DMXL1: variants seen among roughly 807,000 people sequenced by gnomAD.
DMXL1 encodes the protein Dmx like 1, also known as dmX-like protein 1.
A neutral mutation model predicts 319.2 loss-of-function variants in DMXL1; 99 were observed. That is an observed-to-expected ratio of 0.31 (90% CI 0.26 to 0.37). The LOEUF is 0.37. Ranked by LOEUF, DMXL1 falls within the 10% of genes least tolerant of loss-of-function variation. The probability of loss-of-function intolerance (pLI) is 1.00; values close to 1 mark genes in which losing one functional copy is unlikely to be tolerated. For missense variants in DMXL1, 3,745 were observed against 3,595.6 expected (o/e 1.04, Z -1.06); for synonymous variants, 1,385 against 1,235.2 (o/e 1.12, Z -2.54).
chr5:119,216,562 A>G (rs1281652126), intron 34 of DMXL1, among the ~76,000 whole-genome samples: 1 of 152,212 alleles, frequency 6.6e-6, no homozygotes. Context: ...TGAAAGAATT[A>G]TAATGCTAGG....
At chr5:119,233,532 T>G (rs1485394614) in intron 39 of DMXL1, 65 bp downstream of exon 39, 12 of 1,468,228 alleles carry the variant, frequency 8.2e-6, no homozygotes, top group Non-Finnish European at 1.0e-5. Context: ...TTCCACTAGT[T>G]TGGGTTTCTG....
At chr5:119,135,750 C>G (rs1765847387) in intron 13 of DMXL1, among the ~76,000 whole-genome samples, 2 of 152,308 alleles carry the variant, frequency 1.3e-5, no homozygotes, top group South Asian at 4.1e-4. Flanking sequence ...GCTTGCTTCT[C>G]CTTTGCCTTC....
rs562765757 is a variant in DMXL1, at chr5:119,122,130, C to CG, written c.1102+997dup. Among the ~76,000 whole-genome samples, 12 of 127,672 alleles carry CG rather than the reference C, an allele frequency of 9.4e-5. No individual in the cohort carries two copies. In the East Asian group the frequency reaches 1.5e-3, roughly 16 times the overall value. The allele number at this position is 127,672 out of a possible 152,430, so 83.8% of individuals were successfully genotyped here. On this transcript the variant is annotated intron_variant, in intron 9 of 43. Transcript: ENST00000539542. ...CTCCCGGACGGGGCGGCTGGCCGGG[C>CG]GGGGGGCTGACCCCCCCACCTCCCT...
chr5:119,193,338 C>A (rs909625054), intron 29 of DMXL1, among the ~76,000 whole-genome samples: 1 of 152,094 alleles, frequency 6.6e-6, no homozygotes, highest in Non-Finnish European at 1.5e-5. Flanking sequence ...ACTCTTTCTG[C>A]ATTATTTTTC....
chr5:119,072,081 G>C lies in DMXL1; in HGVS notation c.87+425G>C, dbSNP rs571171267. On this transcript the variant is annotated intron_variant, in intron 1 of 43. Coordinates refer to ENST00000539542, the MANE Select transcript of DMXL1 (RefSeq NM_001290321.3). The stretch of plus-strand genomic sequence containing the variant: ...TCAAGTATCTTTGTAGTTAAAAAGT[G>C]GGTGTCTCAAAACAATTACCAATTG... Among the ~76,000 whole-genome samples the C allele has an allele frequency of 2.8e-4, 42 of 152,176 alleles. 1 individual carries two copies. The highest frequency in any genetic ancestry group is 1.0e-3 in the African/African-American group (42 of 41,528).
chr5:119,185,781 GCAT>G (rs1282302723), intron 28 of DMXL1, among the ~76,000 whole-genome samples: 1 of 151,918 alleles, frequency 6.6e-6, no homozygotes, highest in Non-Finnish European at 1.5e-5. Flanking sequence ...GGGATTACAG[GCAT>G]GATCCACTGT....
At chr5:119,116,611 T>C (rs1760900432) in intron 7 of DMXL1, among the ~76,000 whole-genome samples, 1 of 152,244 alleles carries the variant, frequency 6.6e-6, no homozygotes, top group South Asian at 2.1e-4. Flanking sequence ...TTTCTTTTTC[T>C]TTGTGTTTTG....
intron 32 of DMXL1, among the ~76,000 whole-genome samples, chr5:119,198,622 G>GA (rs948217144): frequency 3.9e-5 from 6 of 152,112 alleles, no homozygotes; most frequent in African/African-American, 9.7e-5. Context: ...AACAGAATTA[G>GA]AAAAAAATTA....
chr5:119,197,632 A>C, intron 31 of DMXL1, 123 bp from the exon 32 acceptor site: 103 of 803,030 alleles, frequency 1.3e-4, no homozygotes, highest in Non-Finnish European at 1.8e-4. Context: ...GTATGTTAAT[A>C]TTTCATCTCA....
intron 10 of DMXL1, among the ~76,000 whole-genome samples, chr5:119,130,760 T>C (rs577041322): frequency 7.1e-4 from 108 of 152,354 alleles, no homozygotes; most frequent in African/African-American, 2.5e-3. Flanking sequence ...GATAAACATT[T>C]AAATTAATTT....
chr5:119,159,401 G>A lies in DMXL1; in HGVS notation c.4703-5106G>A, dbSNP rs574471029. The stretch of plus-strand genomic sequence containing the variant: ...CGTGAGACGCCATGCCCGGCCTGAT[G>A]GGAAACTTTGTATTACTGATTTATG... On this transcript the variant is annotated intron_variant, in intron 19 of 43. Coordinates refer to ENST00000539542, the MANE Select transcript of DMXL1 (RefSeq NM_001290321.3). Among the ~76,000 whole-genome samples, 22 of 152,250 alleles carry A rather than the reference G, an allele frequency of 1.4e-4. No individual in the cohort carries two copies. The South Asian group carries it at 3.9e-3, about 27-fold the overall frequency.
At chr5:119,170,095 T>C (rs1250947989) in intron 23 of DMXL1, 95 bp from the exon 24 acceptor site, 12 of 1,326,638 alleles carry the variant, frequency 9.0e-6, no homozygotes, top group Admixed American at 5.8e-5. Flanking sequence ...AAAGACTCTT[T>C]AGATAAAGGT....
At chr5:119,105,088 G>A (rs1758040362) in intron 3 of DMXL1, 92 bp from the exon 4 acceptor site, 1 of 794,924 alleles carries the variant, frequency 1.3e-6, no homozygotes, top group South Asian at 1.5e-5. Context: ...TTGACTGCCT[G>A]TGTTATTGTA....
intron 19 of DMXL1, among the ~76,000 whole-genome samples, chr5:119,156,821 T>C (rs187223871): frequency 1.3e-5 from 2 of 152,264 alleles, no homozygotes; most frequent in African/African-American, 4.8e-5. Flanking sequence ...TTTCGCCACT[T>C]CTTTATGAAA....
At chr5:119,213,032 G>A (rs1783075579) in intron 34 of DMXL1, among the ~76,000 whole-genome samples, 1 of 152,136 alleles carries the variant, frequency 6.6e-6, no homozygotes. Context: ...CATGTTTGGA[G>A]GAAAAGCACA....
At chr5:119,140,956 T>C (rs1561699082) in intron 13 of DMXL1, among the ~76,000 whole-genome samples, 1 of 151,980 alleles carries the variant, frequency 6.6e-6, no homozygotes, top group Admixed American at 6.6e-5. Context: ...GTTCAACATA[T>C]GAAAATTAAA....
chr5:119,119,762 C>T (rs192462538), intron 8 of DMXL1, among the ~76,000 whole-genome samples: 15 of 151,950 alleles, frequency 9.9e-5, no homozygotes, highest in Non-Finnish European at 1.6e-4. Flanking sequence ...CTACCTGCCT[C>T]GGCCTCCCAA....
chr5:119,202,016 C>G (rs1157922372), intron 32 of DMXL1, among the ~76,000 whole-genome samples: 1 of 152,066 alleles, frequency 6.6e-6, no homozygotes, highest in East Asian at 1.9e-4. Flanking sequence ...TTTCAAAAGA[C>G]CAACTCCTGG....
intron 1 of DMXL1, among the ~76,000 whole-genome samples, chr5:119,071,886 T>C (rs921218): frequency 1.0e-3 from 155 of 152,314 alleles, no homozygotes; most frequent in African/African-American, 3.6e-3. Context: ...TTGTAGGATT[T>C]TTAAAGTTTT....
Sources: gnomAD v4.1 joint callset for allele counts (sites outside exome capture counted in the v4.1 genomes callset) on GRCh38, gnomAD v4.1.1 for gene constraint, MANE v1.5 for transcripts, NCBI Gene and HGNC (gene_info 2026-07-23, HGNC 2026-07-21) for gene names.